The following XRCC4 variants were observed in gnomAD, a reference collection of about 807,000 sequenced individuals.
XRCC4 encodes DNA repair protein XRCC4.
XRCC4 carries 28 observed loss-of-function variants against 39.1 expected under a neutral mutation model. The observed-to-expected ratio is 0.72, with a 90% CI of 0.53 to 0.98. The LOEUF (loss-of-function observed/expected upper bound fraction) is 0.98, where lower values mean the gene tolerates loss of function less well. Among genes scored for constraint, XRCC4 ranks in the 50% least tolerant of loss-of-function variants. XRCC4 has a pLI of 0.00. For synonymous variants in XRCC4, 123 were observed against 126.4 expected (o/e 0.97, Z 0.18); for missense variants, 350 against 376.4 (o/e 0.93, Z 0.58).
intron 3 of XRCC4, among the ~76,000 whole-genome samples, chr5:83,135,037 C>T (rs1051391900): frequency 2.0e-5 from 3 of 152,188 alleles, no homozygotes; most frequent in Admixed American, 6.5e-5. Flanking sequence ...ACACTCACCG[C>T]GAGGGTCCGC....
At chr5:83,116,618 T>TGC (rs1561337530) in intron 3 of XRCC4, among the ~76,000 whole-genome samples, 1 of 125,624 alleles carries the variant, frequency 8.0e-6, no homozygotes, top group Non-Finnish European at 1.7e-5. Flanking sequence ...CTTTTTTTTT[T>TGC]TTTTTTTTTT....
chr5:83,242,961 C>T (rs1752969848), intron 6 of XRCC4, among the ~76,000 whole-genome samples: 1 of 152,158 alleles, frequency 6.6e-6, no homozygotes, highest in South Asian at 2.1e-4. Context: ...TCATATATAA[C>T]CAAATCTTAA....
At chr5:83,115,658 C>T (rs72767131) in intron 3 of XRCC4, among the ~76,000 whole-genome samples, 5,954 of 152,218 alleles carry the variant, frequency 0.039, 196 homozygotes, top group South Asian at 0.15. Flanking sequence ...GCTTACCACC[C>T]TGAAAGTAAA....
chr5:83,193,781 A>T (rs2731846), intron 3 of XRCC4, among the ~76,000 whole-genome samples: 86,040 of 152,110 alleles, frequency 0.57, 25,053 homozygotes, highest in African/African-American at 0.7. Flanking sequence ...ACAATTGTTA[A>T]AATAAAAGAA....
At chr5:83,077,638 C>T (rs1374570401) in intron 1 of XRCC4, 23 bp downstream of exon 1, 84 of 360,966 alleles carry the variant, frequency 2.3e-4, no homozygotes, top group Non-Finnish European at 1.5e-5. Flanking sequence ...AGTGGGGCTG[C>T]CTCTTTAAAT....
intron 3 of XRCC4, among the ~76,000 whole-genome samples, chr5:83,189,584 G>T (rs1750602555): frequency 6.6e-6 from 1 of 152,128 alleles, no homozygotes; most frequent in South Asian, 2.1e-4. Flanking sequence ...ATAATATGTT[G>T]TAGTTGGGAA....
intron 6 of XRCC4, among the ~76,000 whole-genome samples, chr5:83,236,840 T>G (rs1752709015): frequency 6.8e-6 from 1 of 147,944 alleles, no homozygotes; most frequent in Non-Finnish European, 1.5e-5. Context: ...AACCAGAATA[T>G]ATAAGGAGCT....
chr5:83,196,420 A>T (rs1035686365), intron 4 of XRCC4, among the ~76,000 whole-genome samples: 2 of 152,082 alleles, frequency 1.3e-5, no homozygotes, highest in East Asian at 3.9e-4. Flanking sequence ...TTTTTAAAGG[A>T]TGAGCTAATT....
chr5:83,190,810 C>T lies in XRCC4; in HGVS notation c.316-4960C>T, dbSNP rs193058538. Among the ~76,000 whole-genome samples, 241 of 151,760 alleles carry T rather than the reference C, an allele frequency of 1.6e-3. 1 individual carries two copies. Among genetic ancestry groups the T allele is most frequent in the Middle Eastern group, 3.4e-3 (1 of 294 alleles). On this transcript the variant is annotated intron_variant, in intron 3 of 7. Transcript: ENST00000396027. ...ATATAACTATACATTCTTTAAAAAA[C>T]ATCTGTTTAATTATTTTCAAATCTA...
chr5:83,270,369 C>G (rs532146334), intron 7 of XRCC4, among the ~76,000 whole-genome samples: 1 of 152,290 alleles, frequency 6.6e-6, no homozygotes, highest in African/African-American at 2.4e-5. Flanking sequence ...CTTCTTTTCT[C>G]TCATGCCTAG....
At chr5:83,281,508 T>TG (rs3836879) in intron 7 of XRCC4, among the ~76,000 whole-genome samples, 25,353 of 151,970 alleles carry the variant, frequency 0.17, 4,459 homozygotes, top group African/African-American at 0.45. Flanking sequence ...TGTTTTGTTT[T>TG]TTTTTTTTAA....
At chr5:83,094,105 A>G (rs912516427) in intron 1 of XRCC4, among the ~76,000 whole-genome samples, 1 of 151,986 alleles carries the variant, frequency 6.6e-6, no homozygotes, top group East Asian at 1.9e-4. Flanking sequence ...TTTGGTTTGA[A>G]TTTGGTTGGA....
At chr5:83,092,919 A>G (rs1284929880) in intron 1 of XRCC4, among the ~76,000 whole-genome samples, 1 of 152,096 alleles carries the variant, frequency 6.6e-6, no homozygotes, top group Non-Finnish European at 1.5e-5. Context: ...AATTAACAAA[A>G]TGGCGAGAAA....
intron 6 of XRCC4, among the ~76,000 whole-genome samples, chr5:83,214,951 A>T (rs1751800503): frequency 6.6e-6 from 1 of 152,006 alleles, no homozygotes; most frequent in African/African-American, 2.4e-5. Context: ...GAAATTCAAG[A>T]CTCCTACACT....
At chr5:83,169,808 G>C (rs1284575513) in intron 3 of XRCC4, among the ~76,000 whole-genome samples, 1 of 152,110 alleles carries the variant, frequency 6.6e-6, no homozygotes, top group Non-Finnish European at 1.5e-5. Context: ...AAATAAACAG[G>C]CTGTGTGTTT....
At chr5:83,206,894 A>T (rs1346908445) in intron 6 of XRCC4, among the ~76,000 whole-genome samples, 2 of 152,134 alleles carry the variant, frequency 1.3e-5, no homozygotes, top group Non-Finnish European at 2.9e-5. Context: ...AGATGAAGGC[A>T]CAGGAAAGTA....
intron 7 of XRCC4, among the ~76,000 whole-genome samples, chr5:83,294,084 G>A (rs557404805): frequency 1.3e-5 from 2 of 151,580 alleles, no homozygotes; most frequent in African/African-American, 2.4e-5. Context: ...GGTATAAACA[G>A]TGCTTTAAAT....
chr5:83,304,489 C>T (rs1212346527), intron 7 of XRCC4, among the ~76,000 whole-genome samples: 2 of 152,176 alleles, frequency 1.3e-5, no homozygotes, highest in East Asian at 1.9e-4. Flanking sequence ...CTGTATTAGG[C>T]ACCTCTGTGT....
intron 7 of XRCC4, among the ~76,000 whole-genome samples, chr5:83,277,952 T>G (rs1754393030): frequency 6.6e-6 from 1 of 152,232 alleles, no homozygotes; most frequent in African/African-American, 2.4e-5. Flanking sequence ...TCTTGTTTAA[T>G]AAAAGCATTT....
Sources: allele counts gnomAD v4.1 joint callset (sites outside exome capture counted in the v4.1 genomes callset), GRCh38; gene constraint gnomAD v4.1.1; transcripts MANE v1.5; gene names NCBI Gene and HGNC (gene_info 2026-07-23, HGNC 2026-07-21).